GPR35: variants seen among roughly 807,000 people sequenced by gnomAD.
The protein encoded by GPR35 is KYNA receptor.
For missense variants in GPR35, 372 were observed against 422.5 expected (o/e 0.88, Z 1.05); for synonymous variants, 207 against 198.4 (o/e 1.04, Z -0.36).
chr2:240,628,726 G>A (rs972159733), intron 1 of GPR35: 9 of 152,374 alleles, frequency 5.9e-5, no homozygotes, highest in Middle Eastern at 3.4e-3. Flanking sequence ...AAGGCCCTTC[G>A]CTGTGGGCTG....
chr2:240,608,816 C>T (rs555223582), intron 2 of GPR35, among the ~76,000 whole-genome samples: 57 of 152,180 alleles, frequency 3.7e-4, no homozygotes, highest in African/African-American at 1.3e-3. Flanking sequence ...TTATTTTATT[C>T]TTAAGTGTTT....
chr2:240,611,376 C>T (rs2043181580), intron 2 of GPR35, among the ~76,000 whole-genome samples: 1 of 152,198 alleles, frequency 6.6e-6, no homozygotes, highest in Non-Finnish European at 1.5e-5. Flanking sequence ...TATTCATCTC[C>T]TCTGTTCTTT....
chr2:240,617,363 A>G, exon 4 of GPR35: 1 of 656,388 alleles, frequency 1.5e-6, no homozygotes, highest in Non-Finnish European at 2.8e-6. Context: ...GGGAGATAAA[A>G]CTCTGTGGTT....
chr2:240,616,222 C>G (rs553168881), intron 2 of GPR35, among the ~76,000 whole-genome samples: 2 of 152,126 alleles, frequency 1.3e-5, no homozygotes, highest in African/African-American at 2.4e-5. Flanking sequence ...TGCACTATTG[C>G]AGTCGTGAAT....
upstream of GPR35, among the ~76,000 whole-genome samples, chr2:240,623,833 C>T (rs1435068516): frequency 3.3e-5 from 5 of 152,212 alleles, no homozygotes; most frequent in Admixed American, 2.0e-4. Flanking sequence ...CAGAAGAATC[C>T]GCTGGGACCA....
Position 240,630,962 on chromosome 2 carries a change from G to C in GPR35, c.*80G>C. The C allele has an allele frequency of 8.0e-7, 1 of 1,256,648 alleles. No individual in the cohort carries two copies. Among genetic ancestry groups the C allele is most frequent in the Non-Finnish European group, 1.1e-6 (1 of 880,542 alleles). 77.8% of individuals were successfully genotyped at this position (1,256,648 alleles called of 1,614,324 possible). ...CTGCCAGGGGAAGCTGGAACCAGTAGCAAGGAGCCCGAGATCAGCCCTGAA... is the reference window on the plus strand; with the variant it reads ...CTGCCAGGGGAAGCTGGAACCAGTACCAAGGAGCCCGAGATCAGCCCTGAA... On this transcript the variant is annotated 3_prime_UTR_variant, in exon 2 of 2. Transcript: ENST00000407714.
At position 240,630,954 on chromosome 2, in the gene GPR35, A is replaced by T; in HGVS notation, c.*72A>T. On this transcript the variant is annotated 3_prime_UTR_variant, in exon 2 of 2. Coordinates refer to ENST00000407714, the MANE Select transcript of GPR35 (RefSeq NM_005301.5). ...GGTGCTGCCTGCCAGGGGAAGCTGG[A>T]ACCAGTAGCAAGGAGCCCGAGATCA... 2 of 1,329,850 alleles carry T rather than the reference A, an allele frequency of 1.5e-6. No homozygotes were observed. The highest frequency in any genetic ancestry group is 2.1e-6 in the Non-Finnish European group (2 of 945,608). The allele number at this position is 1,329,850 out of a possible 1,614,324, so 82.4% of individuals were successfully genotyped here.
In GPR35 at chr2:240,630,006, G is replaced by C. The variant is rs757033160; in HGVS notation, c.54G>C (p.Ala18=). The C allele has an allele frequency of 6.2e-7, 1 of 1,611,748 alleles. No homozygotes were observed. Among genetic ancestry groups the C allele is most frequent in the Admixed American group, 1.7e-5 (1 of 59,978 alleles). The change falls in exon 2 of 2, where the codon GCG becomes GCC. Residue 18 remains alanine (A), a synonymous_variant. Transcript: ENST00000407714. The part of the protein sequence containing the change: ...CGSSDLTWPP[A]IKLGFYAYLG... ...CCAGCGACCTCACCTGGCCCCCAGC[G>C]ATCAAGCTGGGCTTCTACGCCTACT...
chr2:240,621,360 T>A (rs948015864), upstream of GPR35, among the ~76,000 whole-genome samples: 1 of 152,164 alleles, frequency 6.6e-6, no homozygotes, highest in Non-Finnish European at 1.5e-5. Flanking sequence ...GTTCAAGCAA[T>A]TCTCTTGTCT....
intron 2 of GPR35, among the ~76,000 whole-genome samples, chr2:240,613,763 C>T (rs372247783): frequency 1.4e-5 from 2 of 147,614 alleles, no homozygotes; most frequent in Non-Finnish European, 3.0e-5. Flanking sequence ...TAACCCTAAC[C>T]GAAACCCTAA....
intron 2 of GPR35, among the ~76,000 whole-genome samples, chr2:240,611,574 T>G (rs1559432916): frequency 6.6e-6 from 1 of 152,214 alleles, no homozygotes. Flanking sequence ...GGAGAAAGAT[T>G]CCAAAATGAC....
intron 2 of GPR35, chr2:240,607,313 G>C (rs920455920): frequency 1.3e-5 from 2 of 151,922 alleles, no homozygotes; most frequent in African/African-American, 4.8e-5. Context: ...CTCCCGAGTA[G>C]CTGGGACTAC....
intron 2 of GPR35, chr2:240,616,353 C>A (rs2043236852): frequency 1.3e-6 from 1 of 742,288 alleles, no homozygotes; most frequent in Non-Finnish European, 2.5e-6. Context: ...TCTTAGTTGG[C>A]AGCTTCCTCC....
chr2:240,631,870 C>T lies in GPR35; in HGVS notation c.*988C>T, dbSNP rs931158943. Among the ~76,000 whole-genome samples, 5 of 152,256 alleles carry T rather than the reference C, an allele frequency of 3.3e-5. No individual in the cohort carries two copies. The highest frequency in any genetic ancestry group is 7.2e-5 in the African/African-American group (3 of 41,474). ...TCCCATATTGCATGTCCACAGGCAC[C>T]GCCCCACCCTGTTCCATGTTCCACA... On this transcript the variant is annotated 3_prime_UTR_variant, in exon 2 of 2. Coordinates refer to ENST00000407714, the MANE Select transcript of GPR35 (RefSeq NM_005301.5).
chr2:240,632,211 AGGG>A lies in GPR35; in HGVS notation c.*1330_*1332del. ...TGGTTGGGGGGGGTCTATGTCCAGG[AGGG>A]TCCCATGCCTGGAAGGGTCCATGCT... On this transcript the variant is annotated 3_prime_UTR_variant, in exon 2 of 2. Coordinates refer to ENST00000407714, the MANE Select transcript of GPR35 (RefSeq NM_005301.5). 6.6e-6 allele frequency among the ~76,000 whole-genome samples: 1 copy of A among 150,788 alleles called. No homozygotes were observed. The highest frequency in any genetic ancestry group is 1.5e-5 in the Non-Finnish European group (1 of 67,768).
chr2:240,617,152 C>T (rs1022627514), exon 4 of GPR35: 19 of 714,528 alleles, frequency 2.7e-5, no homozygotes, highest in East Asian at 1.6e-4. Context: ...ACTGCAGCCC[C>T]GGCTGACACC....
At position 240,631,804 on chromosome 2, in the gene GPR35, G is replaced by C. The variant is rs147070398; in HGVS notation, c.*922G>C. 6.6e-6 allele frequency among the ~76,000 whole-genome samples: 1 copy of C among 152,356 alleles called. No homozygotes were observed. Among genetic ancestry groups the C allele is most frequent in the African/African-American group, 2.4e-5 (1 of 41,584 alleles). The stretch of plus-strand genomic sequence containing the variant: ...AGGGCACTCCAGAGACCTCCTGTGA[G>C]TGTGGGCCAGCACGGCCTGGGCTCA... On this transcript the variant is annotated 3_prime_UTR_variant, in exon 2 of 2. Transcript: ENST00000407714.
chr2:240,615,181 C>T (rs1279051568), intron 2 of GPR35, among the ~76,000 whole-genome samples: 2 of 152,172 alleles, frequency 1.3e-5, no homozygotes, highest in Non-Finnish European at 2.9e-5. Flanking sequence ...TGCACCACCA[C>T]CCAGGCCCTT....
At chr2:240,625,958 C>CGGGGTG (rs2043369354) in intron 1 of GPR35, among the ~76,000 whole-genome samples, 1 of 48,250 alleles carries the variant, frequency 2.1e-5, no homozygotes, top group African/African-American at 6.4e-5. Context: ...GTTCTCAGAG[C>CGGGGTG]AGGGTGAGGC....
Sources: gnomAD v4.1 joint callset for allele counts (sites outside exome capture counted in the v4.1 genomes callset) on GRCh38, gnomAD v4.1.1 for gene constraint, MANE v1.5 for transcripts, NCBI Gene and HGNC (gene_info 2026-07-23, HGNC 2026-07-21) for gene names.